Variants in FER observed in about 807,000 individuals in gnomAD.
FER encodes FER tyrosine kinase, also known as tyrosine-protein kinase Fer.
Under a neutral mutation model 111.0 loss-of-function variants are expected in FER, and 63 were observed. The ratio of observed to expected loss-of-function variants is 0.57; its 90% CI spans 0.46 to 0.70. The LOEUF (loss-of-function observed/expected upper bound fraction) is 0.70, where lower values mean the gene tolerates loss of function less well. Among genes scored for constraint, FER ranks in the 30% least tolerant of loss-of-function variants. The probability of loss-of-function intolerance (pLI) is 0.00; values close to 1 mark genes in which losing one functional copy is unlikely to be tolerated. For missense variants in FER, 914 were observed against 954.0 expected, an observed-to-expected ratio of 0.96 and a Z score of 0.55; for synonymous variants, 327 against 313.9, an observed-to-expected ratio of 1.04 and a Z score of -0.44.
chr5:109,081,905 G>A (rs1294881277), intron 16 of FER, among the ~76,000 whole-genome samples: 3 of 151,962 alleles, frequency 2.0e-5, no homozygotes, highest in Non-Finnish European at 4.4e-5. Flanking sequence ...AGTGAAGGAA[G>A]AATGCTCCAT....
At chr5:109,130,369 A>G (rs1174201488) in intron 17 of FER, among the ~76,000 whole-genome samples, 1 of 152,054 alleles carries the variant, frequency 6.6e-6, no homozygotes, top group Non-Finnish European at 1.5e-5. Context: ...CTATCATAAC[A>G]CTTATTAAAG....
chr5:109,083,729 G>T (rs999646178), intron 16 of FER, among the ~76,000 whole-genome samples: 5 of 151,944 alleles, frequency 3.3e-5, no homozygotes, highest in Non-Finnish European at 7.4e-5. Context: ...TCTTTAGTGA[G>T]CAACTCTGAA....
At chr5:108,880,523 T>G (rs772395626) in intron 8 of FER, among the ~76,000 whole-genome samples, 1 of 152,104 alleles carries the variant, frequency 6.6e-6, no homozygotes, top group Admixed American at 6.6e-5. Context: ...TTATTTATAA[T>G]TATTTAATAA....
At chr5:108,940,817 G>A (rs1756153963) in intron 10 of FER, among the ~76,000 whole-genome samples, 1 of 152,098 alleles carries the variant, frequency 6.6e-6, no homozygotes, top group African/African-American at 2.4e-5. Context: ...TGTTTCTGAT[G>A]AGGGGTGTGG....
chr5:108,925,172 A>G (rs1244940226), intron 10 of FER, among the ~76,000 whole-genome samples: 1 of 151,240 alleles, frequency 6.6e-6, no homozygotes, highest in African/African-American at 2.4e-5. Flanking sequence ...CTCCTCAAAT[A>G]TTCAACAAAG....
At chr5:109,106,640 T>G (rs1307380826) in intron 17 of FER, among the ~76,000 whole-genome samples, 1 of 152,182 alleles carries the variant, frequency 6.6e-6, no homozygotes, top group Non-Finnish European at 1.5e-5. Context: ...TGTTACAAAT[T>G]GGTATTTGTA....
chr5:108,806,324 G>A (rs140058463), intron 3 of FER, among the ~76,000 whole-genome samples: 1 of 152,228 alleles, frequency 6.6e-6, no homozygotes, highest in Admixed American at 6.5e-5. Flanking sequence ...CAGGGGTGGG[G>A]CTCTCCTGGA....
intron 2 of FER, among the ~76,000 whole-genome samples, chr5:108,780,490 T>C (rs2149993445): frequency 6.6e-6 from 1 of 152,184 alleles, no homozygotes; most frequent in East Asian, 1.9e-4. Context: ...TTATTCTCTT[T>C]GCTCTTTGAT....
At chr5:108,808,805 T>C (rs1757457745) in intron 3 of FER, among the ~76,000 whole-genome samples, 1 of 152,158 alleles carries the variant, frequency 6.6e-6, no homozygotes, top group Non-Finnish European at 1.5e-5. Flanking sequence ...TGTTAGCACT[T>C]GCTTGTCCGG....
chr5:108,954,850 A>G lies in FER; in HGVS notation c.1451A>G (p.Glu484Gly). The G allele has an allele frequency of 6.2e-7, 1 of 1,612,180 alleles. No homozygotes were observed. Among genetic ancestry groups the G allele is most frequent in the Non-Finnish European group, 8.5e-7 (1 of 1,179,162 alleles). The stretch of plus-strand genomic sequence containing the variant: ...AAACAAGGAGACTTTTTGGTGCGAG[A>G]GAGTCATGGGAAACCTGGTGAATAT... ...LKKQGDFLVR[E>G]SHGKPGEYVL... Residue 484 changes from glutamate to glycine, a missense_variant, in exon 12 of 20, where the codon GAG becomes GGG. Transcript: ENST00000281092.
At chr5:109,090,034 G>A (rs572584539) in intron 16 of FER, among the ~76,000 whole-genome samples, 13 of 152,258 alleles carry the variant, frequency 8.5e-5, no homozygotes, top group African/African-American at 2.9e-4. Context: ...AGTGGAGTGT[G>A]CATCCAGTAT....
intron 3 of FER, among the ~76,000 whole-genome samples, chr5:108,831,363 T>G (rs1487594309): frequency 6.6e-6 from 1 of 152,138 alleles, no homozygotes; most frequent in Non-Finnish European, 1.5e-5. Flanking sequence ...CAAAGCTACA[T>G]ATATTATAGC....
At chr5:108,795,578 C>G (rs907386976) in intron 2 of FER, among the ~76,000 whole-genome samples, 1 of 151,976 alleles carries the variant, frequency 6.6e-6, no homozygotes, top group Non-Finnish European at 1.5e-5. Flanking sequence ...TTCCCTCTGA[C>G]TATTTTTAAA....
intron 10 of FER, among the ~76,000 whole-genome samples, chr5:108,899,490 G>A (rs1047489290): frequency 2.6e-5 from 4 of 152,016 alleles, no homozygotes; most frequent in Non-Finnish European, 4.4e-5. Flanking sequence ...TTACCATGAC[G>A]TTGTGGAATT....
chr5:108,979,317 A>G (rs984052548), intron 13 of FER, among the ~76,000 whole-genome samples: 4 of 152,288 alleles, frequency 2.6e-5, no homozygotes, highest in Admixed American at 2.0e-4. Context: ...CCTGTGAGAC[A>G]TTGGACAATA....
At chr5:108,956,092 T>A (rs1229243600) in intron 12 of FER, among the ~76,000 whole-genome samples, 4 of 151,750 alleles carry the variant, frequency 2.6e-5, no homozygotes, top group African/African-American at 9.7e-5. Context: ...GACCTCAACT[T>A]GATAATCATA....
intron 10 of FER, 71 bp from the exon 11 acceptor site, chr5:108,946,059 C>T: frequency 9.7e-7 from 1 of 1,025,666 alleles, no homozygotes; most frequent in Non-Finnish European, 1.5e-6. Flanking sequence ...GGATAAGTAC[C>T]TAAATACATA....
chr5:109,058,724 CTTTTTTTTTTTT>C (rs746184286), intron 16 of FER, among the ~76,000 whole-genome samples: 6 of 76,252 alleles, frequency 7.9e-5, no homozygotes, highest in South Asian at 8.9e-4. Context: ...TTCTTTCTTT[CTTTTTTTTTTTT>C]TTTTTTTTTT....
chr5:108,896,402 G>A (rs1749102442), intron 9 of FER, among the ~76,000 whole-genome samples: 1 of 152,076 alleles, frequency 6.6e-6, no homozygotes, highest in Non-Finnish European at 1.5e-5. Flanking sequence ...AGAAGTCTGT[G>A]GATTTAGAAC....
Sources: gnomAD v4.1 joint callset for allele counts (sites outside exome capture counted in the v4.1 genomes callset) on GRCh38, gnomAD v4.1.1 for gene constraint, MANE v1.5 for transcripts, NCBI Gene and HGNC (gene_info 2026-07-23, HGNC 2026-07-21) for gene names.